The following CEMIP variants were observed in gnomAD, a reference collection of about 807,000 sequenced individuals.
The protein encoded by CEMIP is cell migration-inducing and hyaluronan-binding protein.
In CEMIP, 105 loss-of-function variants were observed where a neutral mutation model predicts 156.9. That is an observed-to-expected ratio of 0.67 (90% CI 0.57 to 0.79). CEMIP has a LOEUF of 0.79. CEMIP is among the 30% of genes least tolerant of loss of function. The pLI, the probability that CEMIP is intolerant of heterozygous loss-of-function variation, is 0.00. For synonymous variants in CEMIP, 676 were observed against 668.4 expected, an observed-to-expected ratio of 1.01 and a Z score of -0.17; for missense variants, 1,457 against 1,769.4, an observed-to-expected ratio of 0.82 and a Z score of 3.17.
chr15:80,814,488 C>G (rs1896745901), intron 1 of CEMIP, among the ~76,000 whole-genome samples: 2 of 152,182 alleles, frequency 1.3e-5, no homozygotes, highest in African/African-American at 4.8e-5. Context: ...AGATCCTCTT[C>G]AAGGTTCACA....
At chr15:80,807,963 G>C (rs1158780394) in intron 1 of CEMIP, among the ~76,000 whole-genome samples, 1 of 152,142 alleles carries the variant, frequency 6.6e-6, no homozygotes, top group East Asian at 1.9e-4. Flanking sequence ...TGCTGACAGC[G>C]TCCACTTGAT....
rs2141759460 is a variant in CEMIP at position 80,947,067 on chromosome 15, T to G, written c.3958+2T>G. The stretch of plus-strand genomic sequence containing the variant: ...CAGACAGGGGTCTCAAGTTGAAAGG[T>G]AAGGGTTTGAACTGGGGTTTAAACT... On this transcript the variant is annotated splice_donor_variant, in intron 29 of 29. Coordinates refer to ENST00000394685, the MANE Select transcript of CEMIP (RefSeq NM_001293298.2). LOFTEE classifies it high-confidence loss of function. 1 of 1,605,992 alleles carries G rather than the reference T, an allele frequency of 6.2e-7. No individual in the cohort carries two copies. Among genetic ancestry groups the G allele is most frequent in the East Asian group, 2.2e-5 (1 of 44,826 alleles).
At position 80,949,117 on chromosome 15, in the gene CEMIP, C is replaced by T; in HGVS notation, c.*193C>T. ...CACCTGCCCCTACTCAAGTGTCTAC[C>T]TGGAGCCCCTGGGGCGGTGCTGGCC... On this transcript the variant is annotated 3_prime_UTR_variant, in exon 30 of 30. Transcript: ENST00000394685. 1.4e-6 allele frequency: 1 copy of T among 715,882 alleles called. No individual in the cohort carries two copies. The highest frequency in any genetic ancestry group is 1.8e-5 in the African/African-American group (1 of 57,110). The allele number at this position is 715,882 out of a possible 1,614,324, so 44.3% of individuals were successfully genotyped here. A position where few individuals can be genotyped will look rare whatever the true frequency, so the allele number is the denominator to read the frequency against.
At chr15:80,919,230 A>G (rs565418540) in intron 14 of CEMIP, among the ~76,000 whole-genome samples, 1 of 152,200 alleles carries the variant, frequency 6.6e-6, no homozygotes, top group Admixed American at 6.5e-5. Context: ...TACAATAAGG[A>G]GCATCAATAT....
At chr15:80,914,542 C>T (rs1313790056) in intron 14 of CEMIP, among the ~76,000 whole-genome samples, 1 of 152,170 alleles carries the variant, frequency 6.6e-6, no homozygotes, top group Admixed American at 6.5e-5. Flanking sequence ...GGGACACATC[C>T]TCCCTCTGGC....
At chr15:80,905,067 G>A (rs768696960) in intron 12 of CEMIP, among the ~76,000 whole-genome samples, 1 of 152,200 alleles carries the variant, frequency 6.6e-6, no homozygotes, top group South Asian at 2.1e-4. Context: ...AGGGTGAAGG[G>A]GCAGGCAAGA....
chr15:80,920,480 T>TCTTCTCC (rs1337808105), intron 15 of CEMIP, among the ~76,000 whole-genome samples, 181 bp downstream of exon 15: 2 of 152,196 alleles, frequency 1.3e-5, no homozygotes, highest in African/African-American at 4.8e-5. Flanking sequence ...AGGGAGGGTG[T>TCTTCTCC]CTTCTCCCTT....
Position 80,949,363 on chromosome 15 carries a change from G to A in CEMIP, c.*439G>A. On this transcript the variant is annotated 3_prime_UTR_variant, in exon 30 of 30. Transcript: ENST00000394685. Reference sequence around the variant, plus strand: ...AGACAAGTGAGGGTGGTAAATGTAGGAGAAAGAGCCTTGGCCTTAAGGAAA... The same window carrying A: ...AGACAAGTGAGGGTGGTAAATGTAGAAGAAAGAGCCTTGGCCTTAAGGAAA... 1 of 290,022 alleles carries A rather than the reference G, an allele frequency of 3.4e-6. No individual in the cohort carries two copies. The highest frequency in any genetic ancestry group is 8.4e-5 in the East Asian group (1 of 11,942). 18.0% of individuals were successfully genotyped at this position (290,022 alleles called of 1,614,324 possible).
rs1900801162 is a variant in CEMIP, at chr15:80,929,026, A to G, written c.2464A>G (p.Thr822Ala). 6.2e-7 allele frequency: 1 copy of G among 1,614,050 alleles called. No individual in the cohort carries two copies. The highest frequency in any genetic ancestry group is 8.5e-7 in the Non-Finnish European group (1 of 1,180,044). ...GIGLTLASGG[T>A]FPYDDGSKQE... Reference sequence around the variant, plus strand: ...AACATCTTCTCTCTACAGTGGTGGAACCTTCCCGTATGACGACGGCTCCAA... The same window carrying G: ...AACATCTTCTCTCTACAGTGGTGGAGCCTTCCCGTATGACGACGGCTCCAA... Residue 822 changes from threonine to alanine, a missense_variant, in exon 21 of 30, where the codon ACC (threonine) becomes GCC (alanine). Physicochemically the swap from Thr to Ala is moderately conservative, Grantham distance 58. This residue lies in a region of CEMIP where 798 missense variants were observed against 980.1 expected (regional missense o/e 0.81). Coordinates refer to ENST00000394685, the MANE Select transcript of CEMIP (RefSeq NM_001293298.2).
chr15:80,919,917 G>A (rs529115958), intron 14 of CEMIP, among the ~76,000 whole-genome samples, 177 bp from the exon 15 acceptor site: 25 of 152,302 alleles, frequency 1.6e-4, no homozygotes, highest in African/African-American at 6.0e-4. Flanking sequence ...CCCAGGGCCT[G>A]GTGTACGGCT....
intron 25 of CEMIP, among the ~76,000 whole-genome samples, 195 bp from the exon 26 acceptor site, chr15:80,941,654 A>G (rs1025936903): frequency 2.0e-5 from 3 of 152,206 alleles, no homozygotes; most frequent in African/African-American, 4.8e-5. Context: ...TGCCATTCTC[A>G]TTAGCTTTTT....
chr15:80,891,848 A>T (rs1421442820), intron 10 of CEMIP, among the ~76,000 whole-genome samples: 1 of 152,198 alleles, frequency 6.6e-6, no homozygotes, highest in East Asian at 1.9e-4. Context: ...AAAAATGGTG[A>T]TGTAGAATAT....
At chr15:80,900,371 T>C (rs1183314690) in intron 12 of CEMIP, among the ~76,000 whole-genome samples, 1 of 151,908 alleles carries the variant, frequency 6.6e-6, no homozygotes, top group African/African-American at 2.4e-5. Context: ...AGAGGATAAG[T>C]GGAGAAGATC....
intron 1 of CEMIP, among the ~76,000 whole-genome samples, chr15:80,816,279 C>T (rs1005036641): frequency 1.3e-5 from 2 of 152,142 alleles, no homozygotes; most frequent in African/African-American, 4.8e-5. Context: ...GTGGCTGAGG[C>T]AGGCTAGGCT....
chr15:80,909,249 C>T lies in CEMIP; in HGVS notation c.1740C>T (p.Leu580=). The T allele has an allele frequency of 6.2e-7, 1 of 1,614,138 alleles. No homozygotes were observed. The highest frequency in any genetic ancestry group is 1.1e-5 in the South Asian group (1 of 91,084). The change falls in exon 14 of 30, where the codon CTC becomes CTT. Residue 580 remains leucine (L), a synonymous_variant. Coordinates refer to ENST00000394685, the MANE Select transcript of CEMIP (RefSeq NM_001293298.2). Reference sequence around the variant, plus strand: ...ACCCACCCACATACATCAGGGACCTCTCCATCCATCATACATTCTCTCGCT... The same window carrying T: ...ACCCACCCACATACATCAGGGACCTTTCCATCCATCATACATTCTCTCGCT... ...GYDPPTYIRD[L]SIHHTFSRCV...
At chr15:80,790,745 A>G (rs2141577025) in intron 1 of CEMIP, among the ~76,000 whole-genome samples, 1 of 152,336 alleles carries the variant, frequency 6.6e-6, no homozygotes, top group Non-Finnish European at 1.5e-5. Context: ...AACAGTATTC[A>G]TAGAGTTGAA....
intron 10 of CEMIP, among the ~76,000 whole-genome samples, chr15:80,891,042 CT>C (rs1335274022): frequency 6.6e-6 from 1 of 152,210 alleles, no homozygotes; most frequent in African/African-American, 2.4e-5. Context: ...CTCTCATAAC[CT>C]TGAATGTTCC....
intron 1 of CEMIP, among the ~76,000 whole-genome samples, chr15:80,862,465 C>A (rs927558208): frequency 7.9e-5 from 12 of 152,284 alleles, no homozygotes; most frequent in Admixed American, 5.2e-4. Flanking sequence ...ACCCAGCTAC[C>A]AGAGCAGCAT....
chr15:80,865,230 G>A (rs956570539), intron 1 of CEMIP, among the ~76,000 whole-genome samples: 1 of 152,070 alleles, frequency 6.6e-6, no homozygotes, highest in African/African-American at 2.4e-5. Flanking sequence ...CACCCAGACT[G>A]GAGTGCAGTG....
Sources: gnomAD v4.1 joint callset for allele counts (sites outside exome capture counted in the v4.1 genomes callset) on GRCh38, gnomAD v4.1.1 for gene constraint, gnomAD v4.1.1 regional missense constraint, MANE v1.5 for transcripts, NCBI Gene and HGNC (gene_info 2026-07-23, HGNC 2026-07-21) for gene names.